Variants in LIFR observed in about 807,000 individuals in gnomAD.
The protein encoded by LIFR is LIF receptor subunit alpha, also known as leukemia inhibitory factor receptor.
A neutral mutation model predicts 122.2 loss-of-function variants in LIFR; 84 were observed. The observed-to-expected ratio is 0.69, with a 90% CI of 0.58 to 0.82. LIFR has a LOEUF of 0.82. Ranked by LOEUF, LIFR falls within the 40% of genes least tolerant of loss-of-function variation. LIFR has a pLI of 0.00. For missense variants in LIFR, 1,294 were observed against 1,311.6 expected (o/e 0.99, Z 0.21); for synonymous variants, 422 against 434.7 (o/e 0.97, Z 0.36).
chr5:38,534,174 T>C (rs1747168212), intron 1 of LIFR, among the ~76,000 whole-genome samples: 1 of 152,180 alleles, frequency 6.6e-6, no homozygotes, highest in Non-Finnish European at 1.5e-5. Flanking sequence ...ACATCAACAT[T>C]GTTTAAAAAC....
intron 5 of LIFR, among the ~76,000 whole-genome samples, chr5:38,518,831 T>C (rs375008844): frequency 4.6e-5 from 7 of 152,314 alleles, no homozygotes; most frequent in African/African-American, 1.7e-4. Context: ...GCTCCATGCA[T>C]GTTACTGCCC....
chr5:38,487,408 G>A lies in LIFR; in HGVS notation c.2336-1428C>T, dbSNP rs181085469. 9.7e-4 allele frequency among the ~76,000 whole-genome samples: 147 copies of A among 152,246 alleles called. 1 individual carries two copies. Among genetic ancestry groups the A allele is most frequent in the African/African-American group, 3.4e-3 (141 of 41,542 alleles). On this transcript the variant is annotated intron_variant, in intron 16 of 19. Coordinates refer to ENST00000453190, the MANE Select transcript of LIFR (RefSeq NM_001127671.2). Reference sequence around the variant, plus strand: ...CTAGTATCTGGAGTGTTGCTGGGCTGTCTATTGCCATTATTATTCCTGATT... The same window carrying A: ...CTAGTATCTGGAGTGTTGCTGGGCTATCTATTGCCATTATTATTCCTGATT...
In LIFR at chr5:38,489,197, G is replaced by C; in HGVS notation, c.2216C>G (p.Ser739Trp). ...NFTVEDTSADSILVKWEDIPV... is the reference protein window; with the variant it reads ...NFTVEDTSADWILVKWEDIPV... ...AATGTCTTCCCATTTTACTAATATC[G>C]AATCTGCAGAAGTATCCTCAACAGT... The change falls in exon 16 of 20, where the codon TCG (serine) becomes TGG (tryptophan). Residue 739 changes from serine to tryptophan, a missense_variant. Coordinates refer to ENST00000453190, the MANE Select transcript of LIFR (RefSeq NM_001127671.2). 1 of 1,612,872 alleles carries C rather than the reference G, an allele frequency of 6.2e-7. No individual in the cohort carries two copies. The highest frequency in any genetic ancestry group is 1.1e-5 in the South Asian group (1 of 91,054).
At chr5:38,551,879 T>C (rs1179545968) in intron 1 of LIFR, among the ~76,000 whole-genome samples, 2 of 152,244 alleles carry the variant, frequency 1.3e-5, no homozygotes, top group Non-Finnish European at 2.9e-5. Context: ...AGAATGCATG[T>C]GTTGTCATTT....
chr5:38,537,437 T>C (rs748854476), intron 1 of LIFR, among the ~76,000 whole-genome samples: 28 of 152,210 alleles, frequency 1.8e-4, no homozygotes, highest in Non-Finnish European at 4.1e-4. Context: ...TCAACTACGC[T>C]ATAAGAGTGA....
rs1401846371 is a variant in LIFR at position 38,483,891 on chromosome 5, G to A, written c.2591+884C>T. Among the ~76,000 whole-genome samples the A allele has an allele frequency of 1.1e-4, 17 of 152,140 alleles. 1 individual carries two copies. Among genetic ancestry groups the A allele is most frequent in the Admixed American group, 1.0e-3 (16 of 15,280 alleles). On this transcript the variant is annotated intron_variant, in intron 18 of 19. Coordinates refer to ENST00000453190, the MANE Select transcript of LIFR (RefSeq NM_001127671.2). ...GGCATTTTTAAGGTCGGTGAGGACTGGTCTAAGCATGAATGCAGCCACTGG... is the reference window on the plus strand; with the variant it reads ...GGCATTTTTAAGGTCGGTGAGGACTAGTCTAAGCATGAATGCAGCCACTGG...
rs112526541 is a variant in LIFR, at chr5:38,501,640, C to G, written c.1600+997G>C. 4.5e-3 allele frequency among the ~76,000 whole-genome samples: 692 copies of G among 152,112 alleles called. 7 individuals carry two copies. The highest frequency in any genetic ancestry group is 0.015 in the African/African-American group (643 of 41,498). ...GGTGGTGGGGCCCCTACTTGGGAGG[C>G]TGAGGCAGGAGAATCACTTGAACCC... is the stretch of plus-strand genomic sequence containing the variant. On this transcript the variant is annotated intron_variant, in intron 11 of 19. Transcript: ENST00000453190.
At chr5:38,535,023 A>T (rs1217573247) in intron 1 of LIFR, among the ~76,000 whole-genome samples, 3 of 152,238 alleles carry the variant, frequency 2.0e-5, no homozygotes, top group Non-Finnish European at 4.4e-5. Context: ...AAGATGTATC[A>T]CCTTCCGTGT....
chr5:38,516,227 C>T (rs945927151), intron 5 of LIFR, among the ~76,000 whole-genome samples: 4 of 152,144 alleles, frequency 2.6e-5, no homozygotes, highest in African/African-American at 4.8e-5. Flanking sequence ...ACTCACATTT[C>T]AGAGTGTCCC....
At position 38,481,406 on chromosome 5, in the gene LIFR, A is replaced by G; in HGVS notation, c.*189T>C. On this transcript the variant is annotated 3_prime_UTR_variant, in exon 20 of 20. Transcript: ENST00000453190. Reference sequence around the variant, plus strand: ...TGAGTTTTGTGGATTGAGGATTCTGAGTCACTATACTTTGGCTTTTAGACT... The same window carrying G: ...TGAGTTTTGTGGATTGAGGATTCTGGGTCACTATACTTTGGCTTTTAGACT... 3 of 639,776 alleles carry G rather than the reference A, an allele frequency of 4.7e-6. No homozygotes were observed. In the South Asian group the frequency reaches 5.7e-5, roughly 12 times the overall value. The allele number at this position is 639,776 out of a possible 1,614,324, so 39.6% of individuals were successfully genotyped here. A position where few individuals can be genotyped will look rare whatever the true frequency, so the allele number is the denominator to read the frequency against.
intron 1 of LIFR, among the ~76,000 whole-genome samples, chr5:38,592,959 C>T (rs1223994186): frequency 6.6e-6 from 1 of 151,886 alleles, no homozygotes; most frequent in Non-Finnish European, 1.5e-5. Flanking sequence ...AATCCCAGCA[C>T]TTTGGGAGAC....
chr5:38,535,461 G>T (rs1189611218), intron 1 of LIFR, among the ~76,000 whole-genome samples: 1 of 152,060 alleles, frequency 6.6e-6, no homozygotes, highest in Non-Finnish European at 1.5e-5. Context: ...AATCTTCCTA[G>T]AACACAGCCA....
chr5:38,606,992 T>C (rs1348706217), intron 1 of LIFR, among the ~76,000 whole-genome samples: 2 of 152,236 alleles, frequency 1.3e-5, no homozygotes, highest in Non-Finnish European at 2.9e-5. Context: ...AAAAAATTAA[T>C]AGCAAGTCTC....
At chr5:38,575,183 C>T (rs1451390520) in intron 1 of LIFR, among the ~76,000 whole-genome samples, 2 of 152,158 alleles carry the variant, frequency 1.3e-5, no homozygotes, top group Non-Finnish European at 2.9e-5. Context: ...AAGTCAAGAA[C>T]ATTCTATTTG....
At position 38,482,216 on chromosome 5, in the gene LIFR, T is replaced by A; in HGVS notation, c.2673A>T (p.Gly891=). Residue 891 remains glycine, a splice_region_variant and synonymous_variant, in exon 20 of 20, where the codon GGA becomes GGT. Transcript: ENST00000453190. Reference sequence around the variant, plus strand: ...TTTCCAATGTTTTAAGAGCACTGCTTCCCTAGAAATAAATTTAAACACAGT... The same window carrying A: ...TTTCCAATGTTTTAAGAGCACTGCTACCCTAGAAATAAATTTAAACACAGT... ...ALQFQKSVCE[G]SSALKTLEMN... 1 of 1,604,252 alleles carries A rather than the reference T, an allele frequency of 6.2e-7. No homozygotes were observed. Among genetic ancestry groups the A allele is most frequent in the South Asian group, 1.1e-5 (1 of 88,724 alleles).
chr5:38,506,168 G>C (rs1561154781), intron 8 of LIFR, 94 bp from the exon 9 acceptor site: 3 of 812,836 alleles, frequency 3.7e-6, no homozygotes, highest in Non-Finnish European at 3.9e-6. Context: ...TGTATAAAAA[G>C]TTTAAATTTC....
At chr5:38,574,118 A>G (rs902675889) in intron 1 of LIFR, among the ~76,000 whole-genome samples, 1 of 152,064 alleles carries the variant, frequency 6.6e-6, no homozygotes, top group African/African-American at 2.4e-5. Flanking sequence ...TCCATCTCAA[A>G]AAAACACAAC....
intron 1 of LIFR, among the ~76,000 whole-genome samples, chr5:38,594,111 G>A (rs1750019476): frequency 6.6e-6 from 1 of 152,168 alleles, no homozygotes; most frequent in Non-Finnish European, 1.5e-5. Context: ...GCATTGGCTG[G>A]CTGCGATAAA....
intron 1 of LIFR, among the ~76,000 whole-genome samples, chr5:38,540,143 G>A (rs1282865837): frequency 6.6e-6 from 1 of 152,170 alleles, no homozygotes; most frequent in Non-Finnish European, 1.5e-5. Context: ...TAGGTGACAG[G>A]TAGGGGCTCG....
Sources: allele counts gnomAD v4.1 joint callset (sites outside exome capture counted in the v4.1 genomes callset), GRCh38; gene constraint gnomAD v4.1.1; transcripts MANE v1.5; gene names NCBI Gene and HGNC (gene_info 2026-07-23, HGNC 2026-07-21).